Variants in QTMAN observed in about 807,000 individuals in gnomAD.
QTMAN encodes the protein tRNA-queuosine alpha-mannosyltransferase.
chr2:144,033,030 TA>T, the QTMAN span, among the ~76,000 whole-genome samples: 1 of 152,162 alleles, frequency 6.6e-6, no homozygotes, highest in South Asian at 2.1e-4. Flanking sequence ...GTGAAAAGTA[TA>T]AAAAATATTT....
the QTMAN span, among the ~76,000 whole-genome samples, chr2:144,287,280 C>A: frequency 6.6e-6 from 1 of 151,960 alleles, no homozygotes; most frequent in African/African-American, 2.4e-5. Flanking sequence ...ACTAAAAATA[C>A]AAAAATTAGC....
At chr2:144,330,969 G>A in the QTMAN span, among the ~76,000 whole-genome samples, 23 of 152,178 alleles carry the variant, frequency 1.5e-4, no homozygotes, top group African/African-American at 5.5e-4. Context: ...GACTAAAGAA[G>A]CCATCTTAAC....
chr2:144,101,104 G>A, the QTMAN span, among the ~76,000 whole-genome samples: 126 of 152,034 alleles, frequency 8.3e-4, no homozygotes, highest in African/African-American at 3.0e-3. Flanking sequence ...TCCTGACCTC[G>A]TGATCCGCCC....
the QTMAN span, among the ~76,000 whole-genome samples, chr2:144,067,003 C>T: frequency 3.9e-5 from 6 of 152,170 alleles, no homozygotes; most frequent in South Asian, 1.0e-3. Flanking sequence ...TCAGCATATT[C>T]GGTCTGTTCT....
At chr2:144,327,260 T>C in the QTMAN span, among the ~76,000 whole-genome samples, 1 of 151,522 alleles carries the variant, frequency 6.6e-6, no homozygotes, top group African/African-American at 2.4e-5. Flanking sequence ...CACACGTCTC[T>C]TCATCTGTTT....
chr2:144,178,196 T>C, the QTMAN span: 23 of 152,180 alleles, frequency 1.5e-4, no homozygotes, highest in African/African-American at 5.1e-4. Flanking sequence ...GGTTCAAGTT[T>C]TGACTCTAAA....
At chr2:144,224,460 C>G in the QTMAN span, among the ~76,000 whole-genome samples, 1 of 152,110 alleles carries the variant, frequency 6.6e-6, no homozygotes, top group Non-Finnish European at 1.5e-5. Context: ...CAAACAATTT[C>G]TTTCTAATTG....
the QTMAN span, among the ~76,000 whole-genome samples, chr2:144,250,506 A>G: frequency 1.3e-5 from 2 of 152,184 alleles, no homozygotes; most frequent in Non-Finnish European, 2.9e-5. Flanking sequence ...ATATAAAAAT[A>G]TATCATAACA....
At chr2:144,005,640 T>C in the QTMAN span, 1 of 152,152 alleles carries the variant, frequency 6.6e-6, no homozygotes, top group Non-Finnish European at 1.5e-5. Context: ...AAAAATAATT[T>C]AGCTTTAACA....
At chr2:144,139,336 G>A in the QTMAN span, among the ~76,000 whole-genome samples, 2 of 151,988 alleles carry the variant, frequency 1.3e-5, no homozygotes, top group African/African-American at 2.4e-5. Flanking sequence ...TAAATTAATG[G>A]GAGCGGGGCG....
chr2:144,087,365 AT>A, the QTMAN span, among the ~76,000 whole-genome samples: 1 of 152,140 alleles, frequency 6.6e-6, no homozygotes, highest in African/African-American at 2.4e-5. Context: ...TTAACTGTTA[AT>A]TCTATCAAAC....
At chr2:143,957,869 G>C in the QTMAN span, among the ~76,000 whole-genome samples, 1 of 152,106 alleles carries the variant, frequency 6.6e-6, no homozygotes, top group Non-Finnish European at 1.5e-5. Context: ...AAAGTGTTCT[G>C]AAATAACAAA....
chr2:144,157,415 G>A, the QTMAN span, among the ~76,000 whole-genome samples: 1 of 152,002 alleles, frequency 6.6e-6, no homozygotes, highest in East Asian at 1.9e-4. Context: ...ATAGGCCATG[G>A]AATGGAGGCT....
At chr2:143,942,943 C>A in the QTMAN span, 1 of 152,368 alleles carries the variant, frequency 6.6e-6, no homozygotes, top group South Asian at 2.1e-4. Context: ...AAGATATATG[C>A]AATAAATACA....
chr2:144,306,119 T>G, the QTMAN span, among the ~76,000 whole-genome samples: 1 of 152,230 alleles, frequency 6.6e-6, no homozygotes, highest in South Asian at 2.1e-4. Context: ...TGTTCCTCTT[T>G]CACCATTAAG....
At chr2:144,291,045 T>C in the QTMAN span, among the ~76,000 whole-genome samples, 120 of 152,320 alleles carry the variant, frequency 7.9e-4, 1 homozygote, top group Non-Finnish European at 4.1e-4. Context: ...CATCTTCTAG[T>C]AGCCTCAGGC....
chr2:144,272,863 T>C, the QTMAN span, among the ~76,000 whole-genome samples: 1 of 152,118 alleles, frequency 6.6e-6, no homozygotes, highest in Non-Finnish European at 1.5e-5. Context: ...TATAAAGACA[T>C]AGAAGGTTCT....
At chr2:144,146,396 T>G in the QTMAN span, among the ~76,000 whole-genome samples, 1 of 151,436 alleles carries the variant, frequency 6.6e-6, no homozygotes, top group African/African-American at 2.4e-5. Context: ...TATAAAAATT[T>G]TATGAAAGGC....
chr2:144,167,438 C>T, the QTMAN span, among the ~76,000 whole-genome samples: 2 of 152,094 alleles, frequency 1.3e-5, no homozygotes, highest in African/African-American at 2.4e-5. Context: ...TACGGTTTGG[C>T]TCCCTGTCCC....
Sources: gnomAD v4.1 joint callset for allele counts (sites outside exome capture counted in the v4.1 genomes callset) on GRCh38, gnomAD v4.1.1 for gene constraint, MANE v1.5 for transcripts, NCBI Gene and HGNC (gene_info 2026-07-23, HGNC 2026-07-21) for gene names.